PCDHGB6: variants seen among roughly 807,000 people sequenced by gnomAD.
The protein encoded by PCDHGB6 is protocadherin gamma-B6.
A neutral mutation model predicts 59.1 loss-of-function variants in PCDHGB6; 51 were observed. The ratio of observed to expected loss-of-function variants is 0.86; its 90% CI spans 0.69 to 1.09. PCDHGB6 has a LOEUF of 1.09. Ranked by LOEUF, PCDHGB6 falls within the 50% of genes least tolerant of loss-of-function variation. The pLI, the probability that PCDHGB6 is intolerant of heterozygous loss-of-function variation, is 0.00. For missense variants in PCDHGB6, 1,148 were observed against 1,205.1 expected (o/e 0.95, Z 0.70); for synonymous variants, 466 against 495.1 (o/e 0.94, Z 0.78).
At chr5:141,492,553 G>A (rs1184580300) in intron 1 of PCDHGB6, among the ~76,000 whole-genome samples, 1 of 152,148 alleles carries the variant, frequency 6.6e-6, no homozygotes, top group Non-Finnish European at 1.5e-5. Flanking sequence ...CGGGTCGCCT[G>A]GGGGGCGGCC....
chr5:141,424,692 T>C (rs910540428), intron 1 of PCDHGB6: 2 of 152,004 alleles, frequency 1.3e-5, no homozygotes, highest in African/African-American at 4.8e-5. Context: ...CTTCTGGCTA[T>C]TTTTTTGTTC....
rs1299162270 is a variant in PCDHGB6 at position 141,413,906 on chromosome 5, C to T, written c.2418+3286C>T. ...GTCTTCGATGCAAATGACAACGCGC[C>T]GGTCTTCACCTTGCCAGAATACCGA... On this transcript the variant is annotated intron_variant, in intron 1 of 3. Transcript: ENST00000520790. The T allele has an allele frequency of 1.9e-6, 3 of 1,613,190 alleles. No homozygotes were observed. The highest frequency in any genetic ancestry group is 1.7e-6 in the Non-Finnish European group (2 of 1,179,870).
intron 1 of PCDHGB6, among the ~76,000 whole-genome samples, chr5:141,443,156 A>G (rs1059029): frequency 0.29 from 44,047 of 151,812 alleles, 7,376 homozygotes; most frequent in African/African-American, 0.47. Flanking sequence ...ACTGCATTTT[A>G]TTTCCCTACC....
chr5:141,441,825 C>A, intron 1 of PCDHGB6: 1 of 357,252 alleles, frequency 2.8e-6, no homozygotes, highest in Non-Finnish European at 5.5e-6. Flanking sequence ...CTCTGGAGCG[C>A]AATGGCTTCG....
chr5:141,506,815 A>G (rs2099856451), intron 3 of PCDHGB6, among the ~76,000 whole-genome samples: 1 of 152,214 alleles, frequency 6.6e-6, no homozygotes, highest in African/African-American at 2.4e-5. Flanking sequence ...GCATTGCCCT[A>G]TATCATGAAC....
intron 1 of PCDHGB6, chr5:141,433,358 CCTATCTATCTATCTAT>C (rs3074541): frequency 2.0e-4 from 99 of 504,042 alleles, no homozygotes; most frequent in East Asian, 3.1e-4. Flanking sequence ...CTACTGTCTG[CCTATCTATCTATCTAT>C]CTATCTATCT....
intron 1 of PCDHGB6, among the ~76,000 whole-genome samples, chr5:141,482,767 A>G (rs2099572087): frequency 6.6e-6 from 1 of 150,474 alleles, no homozygotes; most frequent in East Asian, 1.9e-4. Flanking sequence ...TTTCATTATC[A>G]CTGAACCTTA....
chr5:141,462,597 T>C (rs182073985), intron 1 of PCDHGB6, among the ~76,000 whole-genome samples: 1 of 152,320 alleles, frequency 6.6e-6, no homozygotes, highest in East Asian at 1.9e-4. Context: ...TTCCATTTCA[T>C]ATATTGTATT....
At chr5:141,460,546 C>A (rs182506898) in intron 1 of PCDHGB6, among the ~76,000 whole-genome samples, 51 of 152,152 alleles carry the variant, frequency 3.4e-4, no homozygotes, top group African/African-American at 1.1e-3. Context: ...GCACCTTAAT[C>A]AAAAATCATT....
intron 1 of PCDHGB6, among the ~76,000 whole-genome samples, chr5:141,460,981 G>A (rs35435563): frequency 1.6e-4 from 20 of 121,900 alleles, no homozygotes; most frequent in African/African-American, 3.7e-4. Context: ...GTGTGTGTGT[G>A]TGTATATATA....
rs200533514 is a variant in PCDHGB6 at position 141,476,315 on chromosome 5, C to T, written c.2419-18492C>T. On this transcript the variant is annotated intron_variant, in intron 1 of 3. Transcript: ENST00000520790. This position sits in a 1 kb window ranked among gnomAD's most constrained non-coding sequence, Gnocchi z 7.6. The stretch of plus-strand genomic sequence containing the variant: ...CGGTAGCCTCTCAGCCCGCAGGTTC[C>T]GGGTGGTGTCTGGAGCTAGCCGAAG... 264 of 1,613,910 alleles carry T rather than the reference C, an allele frequency of 1.6e-4. No homozygotes were observed. The highest frequency in any genetic ancestry group is 2.1e-4 in the Non-Finnish European group (248 of 1,180,024).
chr5:141,448,394 T>A (rs1360417681), intron 1 of PCDHGB6, among the ~76,000 whole-genome samples: 2 of 152,206 alleles, frequency 1.3e-5, no homozygotes, highest in Admixed American at 6.5e-5. Context: ...TACATTTACA[T>A]GGTTTTAAAA....
At chr5:141,468,560 T>G (rs571224791) in intron 1 of PCDHGB6, 1 of 152,004 alleles carries the variant, frequency 6.6e-6, no homozygotes, top group Non-Finnish European at 1.5e-5. Flanking sequence ...ATTTGTGATA[T>G]AGTAAACAAT....
intron 1 of PCDHGB6, among the ~76,000 whole-genome samples, chr5:141,443,764 C>A (rs1351060316): frequency 6.6e-6 from 1 of 151,708 alleles, no homozygotes; most frequent in Non-Finnish European, 1.5e-5. Flanking sequence ...TTACAATATA[C>A]AATATTACCA....
intron 1 of PCDHGB6, among the ~76,000 whole-genome samples, chr5:141,464,833 G>A (rs1015373577): frequency 6.6e-6 from 1 of 151,990 alleles, no homozygotes; most frequent in African/African-American, 2.4e-5. Context: ...CGCACTCCTG[G>A]GCTCAAGCAA....
At chr5:141,430,687 T>A in intron 1 of PCDHGB6, 3 of 1,399,922 alleles carry the variant, frequency 2.1e-6, no homozygotes, top group Non-Finnish European at 9.5e-7. Flanking sequence ...TGTCCCATTC[T>A]ATGGGCGAAG....
rs746838072 is a variant in PCDHGB6 at position 141,486,116 on chromosome 5, T to A, written c.2419-8691T>A. ...GCCCCTAGACTTTGAGAGTGAGAATTACTATGAATTTGATGTGCGGGCTCG... is the reference window on the plus strand; with the variant it reads ...GCCCCTAGACTTTGAGAGTGAGAATAACTATGAATTTGATGTGCGGGCTCG... On this transcript the variant is annotated intron_variant, in intron 1 of 3. Coordinates refer to ENST00000520790, the MANE Select transcript of PCDHGB6 (RefSeq NM_018926.3). This position sits in a 1 kb window ranked among gnomAD's most constrained non-coding sequence, Gnocchi z 5.0. 1.1e-5 allele frequency: 17 copies of A among 1,613,638 alleles called. No homozygotes were observed. Among genetic ancestry groups the A allele is most frequent in the Non-Finnish European group, 1.4e-5 (17 of 1,179,610 alleles).
intron 1 of PCDHGB6, chr5:141,423,577 G>A (rs1348410879): frequency 6.2e-7 from 1 of 1,613,478 alleles, no homozygotes; most frequent in Non-Finnish European, 8.5e-7. Context: ...CATCAGCCAG[G>A]AGAGCTGTGA....
chr5:141,508,919 C>T (rs1166086266), intron 3 of PCDHGB6, among the ~76,000 whole-genome samples: 1 of 151,996 alleles, frequency 6.6e-6, no homozygotes, highest in Non-Finnish European at 1.5e-5. Context: ...GATCTGGCTT[C>T]CTTTTGGAGT....
Sources: allele counts gnomAD v4.1 joint callset (sites outside exome capture counted in the v4.1 genomes callset), GRCh38; gene constraint gnomAD v4.1.1; non-coding constraint Gnocchi (gnomAD v3.1); transcripts MANE v1.5; gene names NCBI Gene and HGNC (gene_info 2026-07-23, HGNC 2026-07-21).